The following GSG1L variants were observed in gnomAD, a reference collection of about 807,000 sequenced individuals.
GSG1L encodes germ cell-specific gene 1-like protein.
Under a neutral mutation model 42.1 loss-of-function variants are expected in GSG1L, and 24 were observed. The observed-to-expected ratio is 0.57, with a 90% CI of 0.41 to 0.80. GSG1L has a LOEUF of 0.80. Ranked by LOEUF, GSG1L falls within the 30% of genes least tolerant of loss-of-function variation. The probability of loss-of-function intolerance (pLI) is 0.00; values close to 1 mark genes in which losing one functional copy is unlikely to be tolerated. For missense variants in GSG1L, 445 were observed against 472.2 expected (o/e 0.94, Z 0.53); for synonymous variants, 215 against 203.5 (o/e 1.06, Z -0.48).
At chr16:27,836,654 GCTTT>G (rs1312725855) in intron 4 of GSG1L, among the ~76,000 whole-genome samples, 8 of 152,032 alleles carry the variant, frequency 5.3e-5, no homozygotes, top group Non-Finnish European at 7.4e-5. Context: ...CAACCATTGA[GCTTT>G]CTATTTTGGT....
intron 5 of GSG1L, among the ~76,000 whole-genome samples, chr16:27,816,856 C>A (rs1178024055): frequency 6.6e-6 from 1 of 152,180 alleles, no homozygotes; most frequent in East Asian, 1.9e-4. Context: ...GATTCCTGAT[C>A]AGACCCACCC....
intron 2 of GSG1L, among the ~76,000 whole-genome samples, chr16:27,911,015 AAACAACAAC>A (rs530692990): frequency 6.6e-6 from 1 of 151,962 alleles, no homozygotes; most frequent in Admixed American, 6.6e-5. Flanking sequence ...CCTGTCTAAA[AAACAACAAC>A]AACAACAACA....
chr16:27,996,601 C>T (rs995989204), intron 1 of GSG1L, among the ~76,000 whole-genome samples: 1 of 152,162 alleles, frequency 6.6e-6, no homozygotes, highest in Non-Finnish European at 1.5e-5. Flanking sequence ...GTTTGAGACC[C>T]ACTGCTCATC....
chr16:27,963,260 T>A, intron 1 of GSG1L, 57 bp from the exon 2 acceptor site: 2 of 1,484,148 alleles, frequency 1.3e-6, no homozygotes, highest in Non-Finnish European at 1.9e-6. Context: ...GCTTCCGAGG[T>A]TTGCCTGCTC....
intron 3 of GSG1L, among the ~76,000 whole-genome samples, chr16:27,866,245 G>A (rs1288215222): frequency 6.6e-6 from 1 of 152,086 alleles, no homozygotes; most frequent in Non-Finnish European, 1.5e-5. Context: ...TACATACAGT[G>A]TCACTGTAAT....
chr16:27,948,575 T>C (rs1206091367), intron 2 of GSG1L, among the ~76,000 whole-genome samples: 1 of 150,354 alleles, frequency 6.7e-6, no homozygotes, highest in Non-Finnish European at 1.5e-5. Context: ...GATTCCACCA[T>C]GTTGGCCAGG....
intron 1 of GSG1L, among the ~76,000 whole-genome samples, chr16:28,005,890 T>C (rs1008320356): frequency 6.6e-6 from 1 of 152,204 alleles, no homozygotes; most frequent in Non-Finnish European, 1.5e-5. Context: ...GCTGTAAATA[T>C]GTTACTTTAC....
intron 1 of GSG1L, among the ~76,000 whole-genome samples, chr16:28,032,708 C>A (rs1018474316): frequency 2.0e-5 from 3 of 152,180 alleles, no homozygotes; most frequent in Non-Finnish European, 4.4e-5. Flanking sequence ...ATGGGCACAA[C>A]CATCTCTTCA....
At chr16:27,857,760 T>C (rs2083597777) in intron 3 of GSG1L, among the ~76,000 whole-genome samples, 1 of 152,156 alleles carries the variant, frequency 6.6e-6, no homozygotes, top group South Asian at 2.1e-4. Flanking sequence ...TGTCTGCCAC[T>C]GTTTTGTGTC....
At chr16:27,935,941 C>G (rs991402605) in intron 2 of GSG1L, among the ~76,000 whole-genome samples, 3 of 149,700 alleles carry the variant, frequency 2.0e-5, no homozygotes, top group Admixed American at 6.7e-5. Context: ...CCTTGCCTAG[C>G]AACCCGATCC....
rs1567529967 is a variant in GSG1L at position 27,946,618 on chromosome 16, AG to A, written c.397+16537del. On this transcript the variant is annotated intron_variant, in intron 2 of 6. Transcript: ENST00000447459. ...GAGAGAGAGAGAGAGAGAGAGAGAG[AG>A]AGAGAGAGAGAGAAAGAAAGAAAGA... Among the ~76,000 whole-genome samples, 86 of 21,750 alleles carry A rather than the reference AG, an allele frequency of 4.0e-3. 2 individuals carry two copies. The highest frequency in any genetic ancestry group is 0.011 in the African/African-American group (77 of 6,972). The allele number at this position is 21,750 out of a possible 152,430, so 14.3% of individuals were successfully genotyped here. A position where few individuals can be genotyped will look rare whatever the true frequency, so the allele number is the denominator to read the frequency against.
At chr16:27,939,248 A>G (rs970583360) in intron 2 of GSG1L, among the ~76,000 whole-genome samples, 4 of 152,106 alleles carry the variant, frequency 2.6e-5, no homozygotes, top group Admixed American at 2.6e-4. Flanking sequence ...TAGCCTCCAG[A>G]GTAGCTAGGA....
chr16:27,829,570 A>C (rs1050657708), intron 4 of GSG1L, among the ~76,000 whole-genome samples: 4 of 152,204 alleles, frequency 2.6e-5, no homozygotes, highest in Admixed American at 2.6e-4. Context: ...TTTTAAACAC[A>C]GGGATTCGCT....
rs2086371592 is a variant in GSG1L at position 28,063,559 on chromosome 16, G to C, written c.-135C>G. The stretch of plus-strand genomic sequence containing the variant: ...GTGCCTGAGATCGGCGGCGGCGGAC[G>C]CGGCGCGGGCCCATGCCCCCCCCAA... On this transcript the variant is annotated 5_prime_UTR_variant, in exon 1 of 7. Coordinates refer to ENST00000447459, the MANE Select transcript of GSG1L (RefSeq NM_001109763.2). This position sits in a 1 kb window ranked among gnomAD's most constrained non-coding sequence, Gnocchi z 5.8. 2.9e-6 allele frequency: 1 copy of C among 348,810 alleles called. No individual in the cohort carries two copies. Among genetic ancestry groups the C allele is most frequent in the South Asian group, 1.1e-4 (1 of 9,348 alleles). The allele number at this position is 348,810 out of a possible 1,614,324, so 21.6% of individuals were successfully genotyped here. A position where few individuals can be genotyped will look rare whatever the true frequency, so the allele number is the denominator to read the frequency against.
At chr16:27,896,122 C>T (rs2084189389) in intron 2 of GSG1L, among the ~76,000 whole-genome samples, 1 of 152,150 alleles carries the variant, frequency 6.6e-6, no homozygotes, top group African/African-American at 2.4e-5. Flanking sequence ...GTAAGGAGCA[C>T]TGGCCTAGGG....
chr16:27,905,616 T>C (rs978863389), intron 2 of GSG1L, among the ~76,000 whole-genome samples: 5 of 152,118 alleles, frequency 3.3e-5, no homozygotes, highest in African/African-American at 1.2e-4. Context: ...CTTTAAGACA[T>C]GGACAGAATA....
intron 2 of GSG1L, among the ~76,000 whole-genome samples, chr16:27,907,842 G>T (rs2084337132): frequency 6.7e-6 from 1 of 150,008 alleles, no homozygotes; most frequent in African/African-American, 2.5e-5. Context: ...GTCCTTTCTT[G>T]TGGTTGCAAC....
chr16:27,912,036 G>A, intron 2 of GSG1L, among the ~76,000 whole-genome samples: 1 of 152,120 alleles, frequency 6.6e-6, no homozygotes, highest in East Asian at 1.9e-4. Context: ...ATGATTTGTT[G>A]ATCAGCTTTG....
At chr16:27,874,818 AT>A (rs2083867907) in intron 3 of GSG1L, among the ~76,000 whole-genome samples, 1 of 152,196 alleles carries the variant, frequency 6.6e-6, no homozygotes, top group African/African-American at 2.4e-5. Context: ...TCCGTGAATC[AT>A]TCTAGTGAAT....
Sources: gnomAD v4.1 joint callset for allele counts (sites outside exome capture counted in the v4.1 genomes callset) on GRCh38, gnomAD v4.1.1 for gene constraint, Gnocchi (gnomAD v3.1) non-coding constraint, MANE v1.5 for transcripts, NCBI Gene and HGNC (gene_info 2026-07-23, HGNC 2026-07-21) for gene names.